CFAP20DC: variants seen among roughly 807,000 people sequenced by gnomAD.
CFAP20DC encodes CFAP20 domain containing, also known as protein CFAP20DC.
CFAP20DC carries 84 observed loss-of-function variants against 101.7 expected under a neutral mutation model. That is an observed-to-expected ratio of 0.83 (90% CI 0.69 to 0.99). The LOEUF is 0.99. CFAP20DC is among the 50% of genes least tolerant of loss of function. CFAP20DC has a pLI of 0.00. For missense variants in CFAP20DC, 1,007 were observed against 970.3 expected, an observed-to-expected ratio of 1.04 and a Z score of -0.50; for synonymous variants, 359 against 351.2, an observed-to-expected ratio of 1.02 and a Z score of -0.25.
At chr3:58,950,985 G>A (rs2090037271) in intron 4 of CFAP20DC, among the ~76,000 whole-genome samples, 1 of 152,104 alleles carries the variant, frequency 6.6e-6, no homozygotes, top group Non-Finnish European at 1.5e-5. Context: ...CCTACAAAAT[G>A]GGAGAAAATT....
chr3:58,878,220 T>C (rs895270092), intron 7 of CFAP20DC, among the ~76,000 whole-genome samples: 5 of 152,202 alleles, frequency 3.3e-5, no homozygotes, highest in Non-Finnish European at 5.9e-5. Flanking sequence ...TCTTCAACTT[T>C]TGCAAATAAT....
At chr3:58,840,254 T>C (rs2077009461) in intron 13 of CFAP20DC, among the ~76,000 whole-genome samples, 1 of 152,126 alleles carries the variant, frequency 6.6e-6, no homozygotes, top group Admixed American at 6.5e-5. Flanking sequence ...AAACATCAAA[T>C]ATCAGACTGT....
intron 5 of CFAP20DC, among the ~76,000 whole-genome samples, chr3:58,928,346 G>A (rs2086211725): frequency 6.6e-6 from 1 of 152,142 alleles, no homozygotes; most frequent in African/African-American, 2.4e-5. Flanking sequence ...GCGCTTCCTG[G>A]AAGAAGTAGC....
intron 14 of CFAP20DC, among the ~76,000 whole-genome samples, chr3:58,812,375 A>C (rs1479765130): frequency 6.6e-6 from 1 of 152,332 alleles, no homozygotes; most frequent in South Asian, 2.1e-4. Context: ...CTATGCAGCC[A>C]TAAAAAATGA....
chr3:58,857,471 T>C (rs1298442669), intron 12 of CFAP20DC, among the ~76,000 whole-genome samples: 1 of 152,210 alleles, frequency 6.6e-6, no homozygotes, highest in East Asian at 1.9e-4. Flanking sequence ...TACTCTGGTT[T>C]GGAGATCAGC....
At chr3:58,815,696 G>C (rs1470964381) in intron 14 of CFAP20DC, among the ~76,000 whole-genome samples, 1 of 148,960 alleles carries the variant, frequency 6.7e-6, no homozygotes, top group Admixed American at 6.6e-5. Flanking sequence ...AAAAGTGGGC[G>C]AAGGACATGA....
At chr3:58,955,384 A>T (rs1488744620) in intron 4 of CFAP20DC, among the ~76,000 whole-genome samples, 1 of 152,166 alleles carries the variant, frequency 6.6e-6, no homozygotes, top group East Asian at 1.9e-4. Context: ...CACGGTGCAG[A>T]CAGTATTTCT....
chr3:58,899,432 G>C lies in CFAP20DC; in HGVS notation c.550+14276C>G, dbSNP rs930555966. ...ATTTGTGAGACACTGTGGAAGGGGGGCCTGCAGAACATGCTGCTTGGCTTC... is the reference window on the plus strand; with the variant it reads ...ATTTGTGAGACACTGTGGAAGGGGGCCCTGCAGAACATGCTGCTTGGCTTC... On this transcript the variant is annotated intron_variant, in intron 6 of 16. Coordinates refer to ENST00000482387, the MANE Select transcript of CFAP20DC (RefSeq NM_001394063.1). This position sits in a 1 kb window ranked among gnomAD's most constrained non-coding sequence, Gnocchi z 5.0. Among the ~76,000 whole-genome samples, 1 of 152,206 alleles carries C rather than the reference G, an allele frequency of 6.6e-6. No individual in the cohort carries two copies.
chr3:58,777,289 T>C (rs115511675), intron 15 of CFAP20DC, among the ~76,000 whole-genome samples: 1,707 of 152,286 alleles, frequency 0.011, 38 homozygotes, highest in African/African-American at 0.038. Flanking sequence ...ACGCAACCAA[T>C]GTACATCTTA....
intron 15 of CFAP20DC, among the ~76,000 whole-genome samples, chr3:58,770,498 T>C (rs1055265951): frequency 1.3e-5 from 2 of 152,148 alleles, no homozygotes; most frequent in East Asian, 1.9e-4. Flanking sequence ...AGGAGAATAG[T>C]TCAGGGAAGG....
intron 6 of CFAP20DC, among the ~76,000 whole-genome samples, chr3:58,904,791 G>A (rs998862175): frequency 3.3e-5 from 5 of 152,074 alleles, no homozygotes; most frequent in Non-Finnish European, 7.4e-5. Flanking sequence ...GCATCTCTAA[G>A]GTCCCTCCCT....
chr3:58,939,634 A>G (rs1171461055), intron 4 of CFAP20DC, among the ~76,000 whole-genome samples: 1 of 149,996 alleles, frequency 6.7e-6, no homozygotes, highest in Non-Finnish European at 1.5e-5. Context: ...AATTTTTCGT[A>G]TTTTTAGTAG....
At chr3:58,730,173 A>G (rs2067618523) in intron 3 of CFAP20DC, among the ~76,000 whole-genome samples, 1 of 152,226 alleles carries the variant, frequency 6.6e-6, no homozygotes, top group African/African-American at 2.4e-5. Context: ...GTTGCATAGC[A>G]TGATGTCTAT....
intron 4 of CFAP20DC, among the ~76,000 whole-genome samples, chr3:59,032,631 C>T (rs1418856877): frequency 1.3e-5 from 2 of 152,178 alleles, no homozygotes; most frequent in South Asian, 4.1e-4. Context: ...GCTTCTGTAG[C>T]CAGACTGCCT....
In CFAP20DC at chr3:58,999,661, A is replaced by G. The variant is rs561541980; in HGVS notation, c.278+39896T>C. Among the ~76,000 whole-genome samples, 30 of 152,206 alleles carry G rather than the reference A, an allele frequency of 2.0e-4. 1 individual carries two copies. In the South Asian group the frequency reaches 5.6e-3, roughly 28 times the overall value. ...CTCAAAAAGGGTCTTAATAGATCTT[A>G]ACAGGACTTCAGGGATTGTACCTGG... On this transcript the variant is annotated intron_variant, in intron 4 of 16. Coordinates refer to ENST00000482387, the MANE Select transcript of CFAP20DC (RefSeq NM_001394063.1).
chr3:58,769,159 A>C (rs964101454), intron 15 of CFAP20DC, among the ~76,000 whole-genome samples: 1 of 152,168 alleles, frequency 6.6e-6, no homozygotes, highest in African/African-American at 2.4e-5. Context: ...AGTAAGCCCG[A>C]GTTAGTCCTA....
chr3:58,958,662 G>A (rs775885398), intron 4 of CFAP20DC, among the ~76,000 whole-genome samples: 9 of 151,982 alleles, frequency 5.9e-5, no homozygotes, highest in Non-Finnish European at 1.2e-4. Context: ...GTGGGTGTGA[G>A]GTATTATCTC....
intron 6 of CFAP20DC, among the ~76,000 whole-genome samples, chr3:58,896,190 T>C (rs1317311486): frequency 6.6e-6 from 1 of 152,252 alleles, no homozygotes; most frequent in Non-Finnish European, 1.5e-5. Context: ...TAGAGGTGTT[T>C]ATACTATTCT....
chr3:58,862,157 C>T lies in CFAP20DC; in HGVS notation c.1593+1401G>A, dbSNP rs1055120253. ...AGTTTTCCAGAGAACTACCATTTCC[C>T]ACCTACCATGAAATGCCCACTATTA... On this transcript the variant is annotated intron_variant, in intron 12 of 16. Coordinates refer to ENST00000482387, the MANE Select transcript of CFAP20DC (RefSeq NM_001394063.1). The T allele has an allele frequency of 4.2e-6, 4 of 963,492 alleles. No individual in the cohort carries two copies. The African/African-American group carries it at 5.3e-5, about 13-fold the overall frequency. The allele number at this position is 963,492 out of a possible 1,614,324, so 59.7% of individuals were successfully genotyped here.
Sources: gnomAD v4.1 joint callset for allele counts (sites outside exome capture counted in the v4.1 genomes callset) on GRCh38, gnomAD v4.1.1 for gene constraint, Gnocchi (gnomAD v3.1) non-coding constraint, MANE v1.5 for transcripts, NCBI Gene and HGNC (gene_info 2026-07-23, HGNC 2026-07-21) for gene names.